The following NKAIN2 variants were observed in gnomAD, a reference collection of about 807,000 sequenced individuals.
The protein encoded by NKAIN2 is sodium/potassium-transporting ATPase subunit beta-1-interacting protein 2.
In NKAIN2, 14 loss-of-function variants were observed where a neutral mutation model predicts 32.6. That is an observed-to-expected ratio of 0.43 (90% CI 0.28 to 0.67). NKAIN2 has a LOEUF of 0.67. NKAIN2 is among the 30% of genes least tolerant of loss of function. The probability of loss-of-function intolerance (pLI) is 0.17; values close to 1 mark genes in which losing one functional copy is unlikely to be tolerated. For synonymous variants in NKAIN2, 80 were observed against 87.2 expected, an observed-to-expected ratio of 0.92 and a Z score of 0.46; for missense variants, 198 against 258.3, an observed-to-expected ratio of 0.77 and a Z score of 1.60.
At chr6:124,771,443 G>A (rs1364709422) in intron 4 of NKAIN2, among the ~76,000 whole-genome samples, 1 of 152,098 alleles carries the variant, frequency 6.6e-6, no homozygotes, top group African/African-American at 2.4e-5. Context: ...CCTGAAAATA[G>A]GAGATTGAGT....
chr6:124,569,929 G>C (rs1781062049), intron 3 of NKAIN2, among the ~76,000 whole-genome samples: 1 of 152,212 alleles, frequency 6.6e-6, no homozygotes, highest in Non-Finnish European at 1.5e-5. Flanking sequence ...ACTTCCTAGA[G>C]ACTTGTTGAA....
chr6:124,131,752 G>A (rs913384168), intron 1 of NKAIN2, among the ~76,000 whole-genome samples: 1 of 152,126 alleles, frequency 6.6e-6, no homozygotes, highest in African/African-American at 2.4e-5. Flanking sequence ...CCCAGGGAAG[G>A]CATCCCTGAC....
chr6:124,011,160 C>A (rs1395023235), intron 1 of NKAIN2, among the ~76,000 whole-genome samples: 2 of 152,114 alleles, frequency 1.3e-5, no homozygotes, highest in Non-Finnish European at 2.9e-5. Flanking sequence ...TTCTTTCTGG[C>A]CACTATTAGT....
At chr6:124,490,282 A>G in intron 3 of NKAIN2, 1 of 392,524 alleles carries the variant, frequency 2.5e-6, no homozygotes, top group Non-Finnish European at 4.9e-6. Flanking sequence ...CCAATTACAG[A>G]ATGTCAGGAT....
chr6:124,100,498 G>A (rs1784833689), intron 1 of NKAIN2, among the ~76,000 whole-genome samples: 1 of 152,090 alleles, frequency 6.6e-6, no homozygotes, highest in Non-Finnish European at 1.5e-5. Context: ...TCTGCAAATG[G>A]CAAGATATTC....
At chr6:123,844,735 C>T (rs1270612755) in intron 1 of NKAIN2, among the ~76,000 whole-genome samples, 1 of 152,146 alleles carries the variant, frequency 6.6e-6, no homozygotes, top group African/African-American at 2.4e-5. Flanking sequence ...GATTTAAATC[C>T]TGCTGTACAA....
chr6:124,408,964 G>A (rs988073395), intron 3 of NKAIN2, among the ~76,000 whole-genome samples: 7 of 152,136 alleles, frequency 4.6e-5, no homozygotes, highest in African/African-American at 1.2e-4. Flanking sequence ...AAGCAATTGT[G>A]AATGGGAGTT....
At chr6:123,820,229 T>C (rs997869040) in intron 1 of NKAIN2, among the ~76,000 whole-genome samples, 25 of 152,220 alleles carry the variant, frequency 1.6e-4, no homozygotes, top group Non-Finnish European at 4.4e-5. Context: ...ATGCAAAGGA[T>C]ACATTGATTA....
At position 124,789,186 on chromosome 6, in the gene NKAIN2, T is replaced by G. The variant is rs115546747; in HGVS notation, c.475-2153T>G. ...CTCTAGTGACACTTTAATGAGAAGT[T>G]TAAACTTATTGGCCATGAATCTCAG... On this transcript the variant is annotated intron_variant, in intron 4 of 6. Coordinates refer to ENST00000368417, the MANE Select transcript of NKAIN2 (RefSeq NM_001040214.3). Among the ~76,000 whole-genome samples, 565 of 152,144 alleles carry G rather than the reference T, an allele frequency of 3.7e-3. 2 individuals carry two copies. Among genetic ancestry groups the G allele is most frequent in the African/African-American group, 0.013 (546 of 41,530 alleles).
chr6:123,833,758 C>G (rs1414499364), intron 1 of NKAIN2, among the ~76,000 whole-genome samples: 1 of 137,438 alleles, frequency 7.3e-6, no homozygotes, highest in Non-Finnish European at 1.5e-5. Context: ...TTTTGAGTCT[C>G]GCTTTGTTGC....
intron 3 of NKAIN2, among the ~76,000 whole-genome samples, chr6:124,433,487 A>G (rs925072119): frequency 1.2e-4 from 19 of 152,186 alleles, no homozygotes; most frequent in Admixed American, 1.0e-3. Context: ...ATAAACTGTC[A>G]TGTGGAAAAA....
chr6:124,012,626 A>AT (rs1780389351), intron 1 of NKAIN2, among the ~76,000 whole-genome samples: 3 of 152,062 alleles, frequency 2.0e-5, no homozygotes, highest in African/African-American at 7.2e-5. Flanking sequence ...ACTCTACATG[A>AT]TTTTGAGAGC....
chr6:123,820,734 A>G (rs1773888622), intron 1 of NKAIN2, among the ~76,000 whole-genome samples: 1 of 152,204 alleles, frequency 6.6e-6, no homozygotes, highest in Non-Finnish European at 1.5e-5. Context: ...TTAAAATTTG[A>G]TACTTGCTTG....
intron 4 of NKAIN2, among the ~76,000 whole-genome samples, chr6:124,666,610 T>A (rs1487061137): frequency 6.6e-6 from 1 of 152,164 alleles, no homozygotes; most frequent in Non-Finnish European, 1.5e-5. Context: ...TTGGTTAAAG[T>A]CAACAGTATA....
intron 3 of NKAIN2, among the ~76,000 whole-genome samples, chr6:124,516,963 T>C (rs1337134201): frequency 6.6e-6 from 1 of 152,200 alleles, no homozygotes; most frequent in African/African-American, 2.4e-5. Context: ...GTAATGAGTC[T>C]GTTCTGCAAG....
At chr6:124,603,690 C>A (rs1782391904) in intron 3 of NKAIN2, among the ~76,000 whole-genome samples, 2 of 151,738 alleles carry the variant, frequency 1.3e-5, no homozygotes, top group Admixed American at 1.3e-4. Context: ...ATAGGGTGAC[C>A]ATATAATTTA....
chr6:124,147,254 T>A (rs1025851657), intron 1 of NKAIN2, among the ~76,000 whole-genome samples: 1 of 152,180 alleles, frequency 6.6e-6, no homozygotes, highest in Non-Finnish European at 1.5e-5. Flanking sequence ...AGCGTGACAT[T>A]CTGATCCATC....
At chr6:124,058,591 A>C (rs577120555) in intron 1 of NKAIN2, among the ~76,000 whole-genome samples, 11 of 152,066 alleles carry the variant, frequency 7.2e-5, no homozygotes, top group Non-Finnish European at 1.6e-4. Context: ...AATAAATGTT[A>C]CTTATAATAG....
chr6:123,846,829 C>G (rs1775110480), intron 1 of NKAIN2, among the ~76,000 whole-genome samples: 1 of 104,450 alleles, frequency 9.6e-6, no homozygotes, highest in Admixed American at 1.3e-4. Context: ...GCCACCGCCA[C>G]ACACACGCAC....
Sources: gnomAD v4.1 joint callset for allele counts (sites outside exome capture counted in the v4.1 genomes callset) on GRCh38, gnomAD v4.1.1 for gene constraint, MANE v1.5 for transcripts, NCBI Gene and HGNC (gene_info 2026-07-23, HGNC 2026-07-21) for gene names.